Variants in ADARB1 observed in about 807,000 individuals in gnomAD.
ADARB1 encodes double-stranded RNA-specific editase 1.
In ADARB1, 10 loss-of-function variants were observed where a neutral mutation model predicts 52.4. The ratio of observed to expected loss-of-function variants is 0.19; its 90% CI spans 0.12 to 0.32. The LOEUF (loss-of-function observed/expected upper bound fraction) is 0.32, where lower values mean the gene tolerates loss of function less well. Among genes scored for constraint, ADARB1 ranks in the 10% least tolerant of loss-of-function variants. ADARB1 has a pLI of 1.00. For missense variants in ADARB1, 643 were observed against 922.3 expected (o/e 0.70, Z 3.92); for synonymous variants, 349 against 371.1 (o/e 0.94, Z 0.68).
intron 1 of ADARB1, among the ~76,000 whole-genome samples, chr21:45,104,740 C>T (rs371699627): frequency 6.6e-6 from 1 of 152,208 alleles, no homozygotes; most frequent in Non-Finnish European, 1.5e-5. Context: ...ATTTCCCTGG[C>T]GCTGGCAGGC....
At chr21:45,153,209 T>G (rs1335719663) in intron 2 of ADARB1, among the ~76,000 whole-genome samples, 1 of 152,232 alleles carries the variant, frequency 6.6e-6, no homozygotes, top group African/African-American at 2.4e-5. Context: ...CAGTTTTTAA[T>G]TCAACTTAAT....
chr21:45,076,260 T>G (rs539426982), intron 1 of ADARB1, among the ~76,000 whole-genome samples: 5 of 152,218 alleles, frequency 3.3e-5, no homozygotes, highest in Non-Finnish European at 7.3e-5. Context: ...CTGTCTCTCA[T>G]TGCGCGGTTC....
chr21:45,161,986 A>G (rs1396891736), intron 2 of ADARB1, among the ~76,000 whole-genome samples: 1 of 151,986 alleles, frequency 6.6e-6, no homozygotes, highest in Non-Finnish European at 1.5e-5. Context: ...TTGTCCACGC[A>G]CCTCATTCTT....
chr21:45,185,764 A>C (rs2092083438), intron 8 of ADARB1, among the ~76,000 whole-genome samples: 1 of 152,270 alleles, frequency 6.6e-6, no homozygotes, highest in Non-Finnish European at 1.5e-5. Flanking sequence ...AAAAAAAAGT[A>C]ACATAAGCAG....
chr21:45,114,491 G>A (rs958388026), intron 1 of ADARB1, among the ~76,000 whole-genome samples: 1 of 152,202 alleles, frequency 6.6e-6, no homozygotes, highest in Non-Finnish European at 1.5e-5. Context: ...GGAGGGCTTT[G>A]CTTTTGCAGA....
At chr21:45,123,299 T>TGTA (rs1229249041) in intron 1 of ADARB1, among the ~76,000 whole-genome samples, 13 of 127,644 alleles carry the variant, frequency 1.0e-4, no homozygotes, top group Admixed American at 2.7e-4. Flanking sequence ...GTGTGTATAA[T>TGTA]TAATTATAAT....
chr21:45,207,962 T>A (rs1270507571), intron 9 of ADARB1, among the ~76,000 whole-genome samples: 1 of 152,216 alleles, frequency 6.6e-6, no homozygotes, highest in Non-Finnish European at 1.5e-5. Flanking sequence ...TGAACACTAG[T>A]TTTACTTTCA....
Position 45,200,740 on chromosome 21 carries a change from A to AC in ADARB1, c.1566-3813dup. On this transcript the variant is annotated intron_variant, in intron 8 of 10. Transcript: ENST00000348831. The surrounding 1 kb of genome is among the most constrained non-coding windows in gnomAD (Gnocchi z 5.0). The stretch of plus-strand genomic sequence containing the variant: ...AGCAGGAAGGAATGGGCGTGGGGCA[A>AC]CCACTAGGAAGCTGTAGTCCTTCCT... Among the ~76,000 whole-genome samples the AC allele has an allele frequency of 6.6e-6, 1 of 152,166 alleles. No homozygotes were observed. Among genetic ancestry groups the AC allele is most frequent in the Non-Finnish European group, 1.5e-5 (1 of 68,028 alleles).
intron 8 of ADARB1, among the ~76,000 whole-genome samples, chr21:45,199,726 A>G (rs1419876254): frequency 2.0e-5 from 3 of 152,226 alleles, no homozygotes; most frequent in African/African-American, 7.2e-5. Flanking sequence ...ACTATAACCC[A>G]CATATTTGGA....
intron 1 of ADARB1, among the ~76,000 whole-genome samples, chr21:45,078,880 C>A (rs756351268): frequency 6.6e-6 from 1 of 152,154 alleles, no homozygotes; most frequent in Non-Finnish European, 1.5e-5. Context: ...ATTCTTATGA[C>A]AGTCCAAAAA....
At chr21:45,081,967 T>A (rs537356837) in intron 1 of ADARB1, among the ~76,000 whole-genome samples, 10 of 152,308 alleles carry the variant, frequency 6.6e-5, no homozygotes, top group Admixed American at 5.9e-4. Flanking sequence ...GGGTTGGCAC[T>A]GTTGCCATGA....
intron 2 of ADARB1, among the ~76,000 whole-genome samples, chr21:45,159,901 C>T (rs980615718): frequency 1.2e-4 from 19 of 152,338 alleles, no homozygotes; most frequent in African/African-American, 4.1e-4. Flanking sequence ...CACTTCCATG[C>T]GCTGTGTGTC....
In ADARB1 at chr21:45,180,394, C is replaced by G. The variant is rs752235329; in HGVS notation, c.1028C>G (p.Ser343Cys). 5.6e-6 allele frequency: 9 copies of G among 1,614,066 alleles called. No individual in the cohort carries two copies. Among genetic ancestry groups the G allele is most frequent in the African/African-American group, 1.3e-5 (1 of 74,926 alleles). The change falls in exon 5 of 11, where the codon TCC becomes TGC. Residue 343 changes from serine to cysteine, a missense_variant. Around this residue, in one of 2 missense-constraint regions of ADARB1, gnomAD observed 380 missense variants for 446.5 expected, o/e 0.85. Transcript: ENST00000348831. The part of the protein sequence containing the change: ...GKFGDLTDNF[S>C]SPHARRKVLA... The stretch of plus-strand genomic sequence containing the variant: ...TTTGGTGACCTGACCGACAACTTCT[C>G]CTCCCCTCACGCTCGCAGAAAAGTG...
Position 45,119,199 on chromosome 21 carries a change from C to A in ADARB1, c.-219-9203C>A, listed in dbSNP as rs191680318. 3.5e-4 allele frequency among the ~76,000 whole-genome samples: 53 copies of A among 152,286 alleles called. 1 individual carries two copies. Among genetic ancestry groups the A allele is most frequent in the Admixed American group, 3.5e-3 (53 of 15,296 alleles). ...CCACCTTCTGGGCTCAAGCAATACTCCTGTTATCAGCCTCTTGAGTAGCTT... is the reference window on the plus strand; with the variant it reads ...CCACCTTCTGGGCTCAAGCAATACTACTGTTATCAGCCTCTTGAGTAGCTT... On this transcript the variant is annotated intron_variant, in intron 1 of 10. Coordinates refer to ENST00000348831, the MANE Select transcript of ADARB1 (RefSeq NM_001112.4).
At chr21:45,199,010 C>T (rs540043606) in intron 8 of ADARB1, among the ~76,000 whole-genome samples, 14 of 152,204 alleles carry the variant, frequency 9.2e-5, no homozygotes, top group Middle Eastern at 3.4e-3. Flanking sequence ...TGGTAATTTT[C>T]GGCAGAACAG....
At position 45,157,309 on chromosome 21, in the gene ADARB1, G is replaced by A. The variant is rs986838446; in HGVS notation, c.-47-14301G>A. 3.9e-5 allele frequency among the ~76,000 whole-genome samples: 6 copies of A among 152,228 alleles called. No homozygotes were observed. The highest frequency in any genetic ancestry group is 1.4e-4 in the African/African-American group (6 of 41,458). On this transcript the variant is annotated intron_variant, in intron 2 of 10. Coordinates refer to ENST00000348831, the MANE Select transcript of ADARB1 (RefSeq NM_001112.4). The surrounding 1 kb of genome is among the most constrained non-coding windows in gnomAD (Gnocchi z 4.1). ...AGATTGAACAGTGCCAATTCTTAGT[G>A]CAGTTATAAGTGTTAATATTGAAAA... is the stretch of plus-strand genomic sequence containing the variant.
rs1439606701 is a variant in ADARB1, at chr21:45,208,394, G to T, written c.1747+3658G>T. ...TGATGGGGTAGGGTCCTTGTGAAGAGCTTGCATTTAGGTATCTCTGGGAGG... is the reference window on the plus strand; with the variant it reads ...TGATGGGGTAGGGTCCTTGTGAAGATCTTGCATTTAGGTATCTCTGGGAGG... On this transcript the variant is annotated intron_variant, in intron 9 of 10. Coordinates refer to ENST00000348831, the MANE Select transcript of ADARB1 (RefSeq NM_001112.4). The surrounding 1 kb of genome is among the most constrained non-coding windows in gnomAD (Gnocchi z 5.6). Among the ~76,000 whole-genome samples the T allele has an allele frequency of 6.6e-6, 1 of 152,218 alleles. No individual in the cohort carries two copies. The highest frequency in any genetic ancestry group is 6.5e-5 in the Admixed American group (1 of 15,286).
Position 45,225,715 on chromosome 21 carries a change from G to A in ADARB1, c.*3518G>A. 1.7e-6 allele frequency: 1 copy of A among 584,642 alleles called. No homozygotes were observed. The highest frequency in any genetic ancestry group is 2.6e-6 in the Non-Finnish European group (1 of 386,950). 36.2% of individuals were successfully genotyped at this position (584,642 alleles called of 1,614,324 possible). A position where few individuals can be genotyped will look rare whatever the true frequency, so the allele number is the denominator to read the frequency against. On this transcript the variant is annotated 3_prime_UTR_variant, in exon 11 of 11. Coordinates refer to ENST00000348831, the MANE Select transcript of ADARB1 (RefSeq NM_001112.4). Reference sequence around the variant, plus strand: ...ACTTTACCCCAGAAGCAGGTGGTCTGCCCCAGGCATAAAGAAGGAAAATTG... The same window carrying A: ...ACTTTACCCCAGAAGCAGGTGGTCTACCCCAGGCATAAAGAAGGAAAATTG...
At chr21:45,109,136 C>CGT (rs377212151) in intron 1 of ADARB1, among the ~76,000 whole-genome samples, 144 of 150,794 alleles carry the variant, frequency 9.5e-4, no homozygotes, top group African/African-American at 3.3e-3. Context: ...CTCCTGTATG[C>CGT]GTGTGTGTGT....
Sources: gnomAD v4.1 joint callset for allele counts (sites outside exome capture counted in the v4.1 genomes callset) on GRCh38, gnomAD v4.1.1 for gene constraint, gnomAD v4.1.1 regional missense constraint, Gnocchi (gnomAD v3.1) non-coding constraint, MANE v1.5 for transcripts, NCBI Gene and HGNC (gene_info 2026-07-23, HGNC 2026-07-21) for gene names.